Variants in ACAD11 observed in about 807,000 individuals in gnomAD.
The protein encoded by ACAD11 is acyl-Coenzyme A dehydrogenase family, member 11.
In ACAD11, 83 loss-of-function variants were observed where a neutral mutation model predicts 102.2. The ratio of observed to expected loss-of-function variants is 0.81; its 90% CI spans 0.68 to 0.97. The LOEUF is 0.97. ACAD11 is among the 50% of genes least tolerant of loss of function. ACAD11 has a pLI of 0.00. For synonymous variants in ACAD11, 324 were observed against 319.8 expected (o/e 1.01, Z -0.14); for missense variants, 901 against 951.7 (o/e 0.95, Z 0.70).
chr3:132,599,146 C>G (rs1217851443), intron 13 of ACAD11, among the ~76,000 whole-genome samples: 1 of 151,902 alleles, frequency 6.6e-6, no homozygotes, highest in Non-Finnish European at 1.5e-5. Context: ...AACCCCGTCT[C>G]TATCAAAAAT....
intron 11 of ACAD11, among the ~76,000 whole-genome samples, chr3:132,615,667 C>A (rs138582438): frequency 6.6e-6 from 1 of 152,010 alleles, no homozygotes. Flanking sequence ...CACATATCAG[C>A]GCCTGTCGCA....
chr3:132,565,233 G>T (rs1450332685), intron 17 of ACAD11, among the ~76,000 whole-genome samples: 1 of 152,116 alleles, frequency 6.6e-6, no homozygotes. Flanking sequence ...TGCCAGGAAG[G>T]TATCAGACAG....
intron 17 of ACAD11, 23 bp from the exon 18 acceptor site, chr3:132,561,240 A>G (rs1246259340): frequency 6.3e-7 from 1 of 1,585,090 alleles, no homozygotes; most frequent in East Asian, 2.2e-5. Context: ...AAAAGGCAGC[A>G]AAAGAAGGAG....
chr3:132,565,169 G>C (rs957607750), intron 17 of ACAD11, among the ~76,000 whole-genome samples: 1 of 152,188 alleles, frequency 6.6e-6, no homozygotes, highest in Non-Finnish European at 1.5e-5. Context: ...AGGCAGGATG[G>C]GGAGCGTAGG....
At chr3:132,605,247 T>C in intron 11 of ACAD11, 42 bp from the exon 12 acceptor site, 1 of 1,482,502 alleles carries the variant, frequency 6.7e-7, no homozygotes, top group Non-Finnish European at 9.4e-7. Flanking sequence ...TTTGAAAATT[T>C]ATCAGTATGA....
At chr3:132,617,497 T>C (rs760270742) in intron 11 of ACAD11, among the ~76,000 whole-genome samples, 19 of 152,208 alleles carry the variant, frequency 1.2e-4, no homozygotes, top group African/African-American at 2.4e-4. Context: ...GATATCCTCA[T>C]GGCTCTGCCT....
chr3:132,588,597 A>G (rs1257887686), intron 13 of ACAD11, among the ~76,000 whole-genome samples: 1 of 152,190 alleles, frequency 6.6e-6, no homozygotes, highest in Non-Finnish European at 1.5e-5. Context: ...ACATACGTAA[A>G]ATATAGTTAA....
At chr3:132,599,975 G>GAT (rs1319266624) in intron 13 of ACAD11, among the ~76,000 whole-genome samples, 4 of 151,892 alleles carry the variant, frequency 2.6e-5, no homozygotes, top group Admixed American at 2.6e-4. Context: ...ATTTGTTGTA[G>GAT]ATATACTTTT....
intron 17 of ACAD11, among the ~76,000 whole-genome samples, chr3:132,565,876 G>C (rs1323019841): frequency 1.3e-5 from 2 of 152,118 alleles, no homozygotes; most frequent in Non-Finnish European, 2.9e-5. Flanking sequence ...CCCAGAAATA[G>C]ACATTGGCAT....
At chr3:132,579,035 A>G (rs1026303859) in intron 14 of ACAD11, 154 bp from the exon 15 acceptor site, 8 of 1,515,690 alleles carry the variant, frequency 5.3e-6, no homozygotes, top group Non-Finnish European at 7.1e-6. Flanking sequence ...GTACACCAAC[A>G]TAGTCTGATG....
intron 1 of ACAD11, among the ~76,000 whole-genome samples, chr3:132,649,419 CTT>C: frequency 6.6e-6 from 1 of 152,220 alleles, no homozygotes; most frequent in East Asian, 1.9e-4. Flanking sequence ...CTCTGTTACT[CTT>C]TACTCTACTG....
At position 132,575,845 on chromosome 3, in the gene ACAD11, G is replaced by A. The variant is rs777865245; in HGVS notation, c.1928C>T (p.Ala643Val). 5.6e-6 allele frequency: 9 copies of A among 1,613,838 alleles called. No homozygotes were observed. Among genetic ancestry groups the A allele is most frequent in the African/African-American group, 4.0e-5 (3 of 74,874 alleles). The change falls in exon 17 of 20, where the codon GCG (alanine) becomes GTG (valine). Residue 643 changes from alanine (A) to valine (V), a missense_variant. Physicochemically the swap from Ala to Val is moderately conservative, Grantham distance 64. Transcript: ENST00000264990. ...ACACATGATCTGCAAAGCGCGTTCC[G>A]CCAAACCTACTGTTCTCATACAGTG... is the stretch of plus-strand genomic sequence containing the variant. ...IHHCMRTVGL[A>V]ERALQIMCER... is the part of the protein sequence containing the mutation.
chr3:132,580,133 C>T (rs774514948), intron 13 of ACAD11, among the ~76,000 whole-genome samples: 1 of 152,042 alleles, frequency 6.6e-6, no homozygotes, highest in Non-Finnish European at 1.5e-5. Context: ...TTTTCAATTA[C>T]AAGGCTGCAC....
In ACAD11 at chr3:132,630,442, C is replaced by T. The variant is rs1475545138; in HGVS notation, c.958G>A (p.Ala320Thr). The change falls in exon 7 of 20, where the codon GCA (alanine) becomes ACA (threonine). Residue 320 changes from alanine (A) to threonine (T), a missense_variant. Ala to Thr is a moderately conservative substitution (Grantham distance 58, BLOSUM62 0). Coordinates refer to ENST00000264990, the MANE Select transcript of ACAD11 (RefSeq NM_032169.5). Reference sequence around the variant, plus strand: ...CGTTTAAAACAATTAATTACCTGTGCTATTCCAGCCATCTTAAAATATGAA... The same window carrying T: ...CGTTTAAAACAATTAATTACCTGTGTTATTCCAGCCATCTTAAAATATGAA... ...ALSYFKMAGIAQGVYSRYLLG... is the reference protein window; with the variant it reads ...ALSYFKMAGITQGVYSRYLLG... The T allele has an allele frequency of 1.2e-6, 2 of 1,612,784 alleles. No individual in the cohort carries two copies. The highest frequency in any genetic ancestry group is 1.1e-5 in the South Asian group (1 of 90,756).
At chr3:132,566,999 G>T (rs1576545970) in intron 17 of ACAD11, among the ~76,000 whole-genome samples, 2 of 152,120 alleles carry the variant, frequency 1.3e-5, no homozygotes, top group Admixed American at 1.3e-4. Flanking sequence ...TTTATTTAGA[G>T]ACAGAGTCTC....
intron 1 of ACAD11, among the ~76,000 whole-genome samples, chr3:132,656,343 T>C (rs1937799179): frequency 6.6e-6 from 1 of 152,202 alleles, no homozygotes; most frequent in African/African-American, 2.4e-5. Context: ...AGTATGTATC[T>C]ATGAGTAGAA....
chr3:132,583,159 A>G (rs1032639006), intron 13 of ACAD11, among the ~76,000 whole-genome samples: 4 of 152,134 alleles, frequency 2.6e-5, no homozygotes, highest in African/African-American at 9.7e-5. Context: ...GGTAGAATTC[A>G]GCTGTGAATC....
In ACAD11 at chr3:132,659,589, G is replaced by A. The variant is rs372907693; in HGVS notation, c.149+14C>T. 1 of 1,608,602 alleles carries A rather than the reference G, an allele frequency of 6.2e-7. No homozygotes were observed. Among genetic ancestry groups the A allele is most frequent in the Non-Finnish European group, 8.5e-7 (1 of 1,177,892 alleles). ...AAATTTTTTTCCGCTGGAGGCAAAGGCTGACATCCATACCTGTACTGGGCA... is the reference window on the plus strand; with the variant it reads ...AAATTTTTTTCCGCTGGAGGCAAAGACTGACATCCATACCTGTACTGGGCA... On this transcript the variant is annotated intron_variant, in intron 1 of 19. Coordinates refer to ENST00000264990, the MANE Select transcript of ACAD11 (RefSeq NM_032169.5).
At chr3:132,630,638 TATGTAA>T in intron 6 of ACAD11, 80 bp from the exon 7 acceptor site, 1 of 1,282,222 alleles carries the variant, frequency 7.8e-7, no homozygotes, top group Non-Finnish European at 1.1e-6. Context: ...CTGAGACGCA[TATGTAA>T]AACGGAATGT....
Sources: allele counts gnomAD v4.1 joint callset (sites outside exome capture counted in the v4.1 genomes callset), GRCh38; gene constraint gnomAD v4.1.1; transcripts MANE v1.5; gene names NCBI Gene and HGNC (gene_info 2026-07-23, HGNC 2026-07-21).